NKAIN2: variants seen among roughly 807,000 people sequenced by gnomAD.
The protein encoded by NKAIN2 is sodium/potassium transporting ATPase interacting 2, also known as sodium/potassium-transporting ATPase subunit beta-1-interacting protein 2.
A neutral mutation model predicts 32.6 loss-of-function variants in NKAIN2; 14 were observed. The ratio of observed to expected loss-of-function variants is 0.43; its 90% CI spans 0.28 to 0.67. NKAIN2 has a LOEUF of 0.67. NKAIN2 is among the 30% of genes least tolerant of loss of function. The pLI is 0.17. For missense variants in NKAIN2, 198 were observed against 258.3 expected, an observed-to-expected ratio of 0.77 and a Z score of 1.60; for synonymous variants, 80 against 87.2, an observed-to-expected ratio of 0.92 and a Z score of 0.46.
At chr6:124,224,594 TTAA>T in intron 1 of NKAIN2, among the ~76,000 whole-genome samples, 1 of 152,108 alleles carries the variant, frequency 6.6e-6, no homozygotes, top group East Asian at 1.9e-4. Context: ...GCCCAGCATT[TTAA>T]GCAGTCTTCT....
chr6:124,364,225 G>T (rs1050275647), intron 3 of NKAIN2, among the ~76,000 whole-genome samples: 1 of 106,222 alleles, frequency 9.4e-6, no homozygotes, highest in Non-Finnish European at 1.9e-5. Context: ...CACAGGAAAG[G>T]GTTAAAAATA....
chr6:124,085,064 T>C (rs555292748), intron 1 of NKAIN2, among the ~76,000 whole-genome samples: 1 of 152,132 alleles, frequency 6.6e-6, no homozygotes, highest in African/African-American at 2.4e-5. Context: ...GTAAATAGTG[T>C]ATTTTGTAGG....
intron 4 of NKAIN2, among the ~76,000 whole-genome samples, chr6:124,729,111 C>G (rs533846540): frequency 2.6e-5 from 4 of 152,300 alleles, no homozygotes; most frequent in Middle Eastern, 6.8e-3. Context: ...GTATTCACAG[C>G]TGAATTCTAC....
At chr6:124,416,029 T>G (rs543791275) in intron 3 of NKAIN2, among the ~76,000 whole-genome samples, 61 of 152,180 alleles carry the variant, frequency 4.0e-4, no homozygotes, top group Non-Finnish European at 6.2e-4. Context: ...TTAAGTTTAT[T>G]GCACAGCGTT....
At chr6:124,686,835 C>T (rs1443883311) in intron 4 of NKAIN2, among the ~76,000 whole-genome samples, 1 of 151,938 alleles carries the variant, frequency 6.6e-6, no homozygotes, top group Non-Finnish European at 1.5e-5. Context: ...AGGGTGATGC[C>T]AAAGGAGATT....
At chr6:124,016,740 T>C (rs1016845162) in intron 1 of NKAIN2, among the ~76,000 whole-genome samples, 1 of 152,128 alleles carries the variant, frequency 6.6e-6, no homozygotes, top group Middle Eastern at 3.2e-3. Flanking sequence ...TCTCTGAAAG[T>C]CCTTATAACA....
chr6:123,931,586 T>C (rs899686634), intron 1 of NKAIN2, among the ~76,000 whole-genome samples: 14 of 152,254 alleles, frequency 9.2e-5, no homozygotes, highest in Admixed American at 4.6e-4. Context: ...ATGAGTAATA[T>C]TGGATAAATA....
At chr6:123,979,414 T>A (rs1778790968) in intron 1 of NKAIN2, among the ~76,000 whole-genome samples, 1 of 152,108 alleles carries the variant, frequency 6.6e-6, no homozygotes, top group Non-Finnish European at 1.5e-5. Context: ...TCTTCCCTAT[T>A]TCAGGACTGG....
chr6:124,231,744 G>A (rs2114737254), intron 1 of NKAIN2, among the ~76,000 whole-genome samples: 1 of 152,126 alleles, frequency 6.6e-6, no homozygotes, highest in South Asian at 2.1e-4. Flanking sequence ...ATATGGAACT[G>A]TAAGTTCATT....
intron 1 of NKAIN2, among the ~76,000 whole-genome samples, chr6:124,182,869 G>T (rs1434261117): frequency 3.3e-5 from 5 of 152,144 alleles, no homozygotes; most frequent in African/African-American, 1.2e-4. Flanking sequence ...CAGATGAGAA[G>T]TCTGAAAATA....
intron 3 of NKAIN2, among the ~76,000 whole-genome samples, chr6:124,625,177 A>G (rs1011478056): frequency 4.3e-5 from 3 of 70,370 alleles, no homozygotes; most frequent in African/African-American, 1.8e-4. Flanking sequence ...TACAATAATT[A>G]TCAAAGAAAG....
At chr6:124,721,390 C>T (rs939370874) in intron 4 of NKAIN2, among the ~76,000 whole-genome samples, 4 of 129,466 alleles carry the variant, frequency 3.1e-5, no homozygotes, top group Admixed American at 8.7e-5. Context: ...GGCGACAGAA[C>T]GAGACTCCGT....
At chr6:124,245,356 G>C (rs1793340472) in intron 1 of NKAIN2, among the ~76,000 whole-genome samples, 1 of 151,960 alleles carries the variant, frequency 6.6e-6, no homozygotes, top group African/African-American at 2.4e-5. Context: ...AATAATATTT[G>C]GCAATTTATG....
chr6:124,115,693 G>A (rs1397518400), intron 1 of NKAIN2, among the ~76,000 whole-genome samples: 3 of 151,968 alleles, frequency 2.0e-5, no homozygotes, highest in Admixed American at 6.6e-5. Flanking sequence ...TTATGGTGAA[G>A]ACATCACATT....
At chr6:124,333,659 C>CT (rs141432332) in intron 2 of NKAIN2, among the ~76,000 whole-genome samples, 1 of 146,416 alleles carries the variant, frequency 6.8e-6, no homozygotes, top group African/African-American at 2.5e-5. Flanking sequence ...GACTCAGTCT[C>CT]TAAATAAATA....
chr6:124,669,105 C>T (rs867189851), intron 4 of NKAIN2, among the ~76,000 whole-genome samples: 5 of 152,130 alleles, frequency 3.3e-5, no homozygotes, highest in Non-Finnish European at 7.4e-5. Flanking sequence ...CACATGACAA[C>T]TTATCACCAG....
At chr6:123,934,064 G>A (rs1336283909) in intron 1 of NKAIN2, among the ~76,000 whole-genome samples, 3 of 152,120 alleles carry the variant, frequency 2.0e-5, no homozygotes, top group African/African-American at 7.2e-5. Context: ...ACAGTCTCCA[G>A]GGAGGGGTCT....
chr6:124,589,349 T>C (rs1262813560), intron 3 of NKAIN2, among the ~76,000 whole-genome samples: 1 of 152,214 alleles, frequency 6.6e-6, no homozygotes, highest in Non-Finnish European at 1.5e-5. Flanking sequence ...ACTGTACTTA[T>C]TTACCGTTCT....
chr6:123,960,279 G>A (rs1313225967), intron 1 of NKAIN2, among the ~76,000 whole-genome samples: 1 of 152,110 alleles, frequency 6.6e-6, no homozygotes, highest in African/African-American at 2.4e-5. Context: ...AATGCTAACG[G>A]GCATCCATCT....
Sources: gnomAD v4.1 joint callset for allele counts (sites outside exome capture counted in the v4.1 genomes callset) on GRCh38, gnomAD v4.1.1 for gene constraint, MANE v1.5 for transcripts, NCBI Gene and HGNC (gene_info 2026-07-23, HGNC 2026-07-21) for gene names.